Variants in TMC1 observed in about 807,000 individuals in gnomAD.
The protein encoded by TMC1 is transmembrane channel like 1, also known as transmembrane channel-like protein 1.
In TMC1, 84 loss-of-function variants were observed where a neutral mutation model predicts 105.8. That is an observed-to-expected ratio of 0.79 (90% CI 0.67 to 0.95). The LOEUF is 0.95. Ranked by LOEUF, TMC1 falls within the 40% of genes least tolerant of loss-of-function variation. TMC1 has a pLI of 0.00. For missense variants in TMC1, 817 were observed against 914.1 expected (o/e 0.89, Z 1.37); for synonymous variants, 315 against 311.5 (o/e 1.01, Z -0.12).
At position 72,648,758 on chromosome 9, in the gene TMC1, T is replaced by G. The variant is rs1444842; in HGVS notation, c.16+94T>G. 0.084 allele frequency: 96,736 copies of G among 1,155,256 alleles called. 4,728 individuals are homozygous for G. The highest frequency in any genetic ancestry group is 0.16 in the African/African-American group (10,749 of 66,050). The allele number at this position is 1,155,256 out of a possible 1,614,324, so 71.6% of individuals were successfully genotyped here. On this transcript the variant is annotated intron_variant, in intron 5 of 23. Transcript: ENST00000297784. ...CTTTGGAAAGTTTGTTTTACAATTT[T>G]TGTTCCCTCTTTTGGGGCTTTCCCT...
chr9:72,751,634 C>A (rs1030661217), intron 10 of TMC1, among the ~76,000 whole-genome samples: 4 of 152,200 alleles, frequency 2.6e-5, no homozygotes, highest in African/African-American at 9.6e-5. Context: ...CTGCATTCTA[C>A]GTACCTTCTA....
At chr9:72,688,374 C>A (rs1390245775) in intron 5 of TMC1, among the ~76,000 whole-genome samples, 1 of 151,940 alleles carries the variant, frequency 6.6e-6, no homozygotes, top group East Asian at 1.9e-4. Context: ...AATAAAATAA[C>A]CCGACAAACC....
At chr9:72,559,441 G>GC (rs551389085) in intron 1 of TMC1, among the ~76,000 whole-genome samples, 134 of 152,008 alleles carry the variant, frequency 8.8e-4, no homozygotes, top group Middle Eastern at 3.4e-3. Flanking sequence ...AACTTTGTAG[G>GC]CCCCCACCGA....
intron 2 of TMC1, among the ~76,000 whole-genome samples, chr9:72,583,195 C>G (rs1824500644): frequency 6.6e-6 from 1 of 152,084 alleles, no homozygotes; most frequent in African/African-American, 2.4e-5. Flanking sequence ...GCACTCCAGC[C>G]TGGGTGACAG....
chr9:72,740,219 T>C lies in TMC1; in HGVS notation c.453+10T>C. 1 of 1,611,650 alleles carries C rather than the reference T, an allele frequency of 6.2e-7. No homozygotes were observed. The highest frequency in any genetic ancestry group is 1.3e-5 in the African/African-American group (1 of 75,002). The stretch of plus-strand genomic sequence containing the variant: ...GATGATGATGGCCAAGGTAGGTATT[T>C]TTATAGTTGTCTGGTTTATGGCATA... On this transcript the variant is annotated intron_variant, in intron 9 of 23. Transcript: ENST00000297784.
intron 12 of TMC1, among the ~76,000 whole-genome samples, chr9:72,766,452 G>T (rs1827841280): frequency 6.6e-6 from 1 of 151,908 alleles, no homozygotes; most frequent in Admixed American, 6.6e-5. Flanking sequence ...CATGGCTCTG[G>T]CACATAGTAG....
At chr9:72,563,080 T>C (rs113143192) in intron 1 of TMC1, among the ~76,000 whole-genome samples, 1 of 35,748 alleles carries the variant, frequency 2.8e-5, no homozygotes, top group South Asian at 6.0e-4. Context: ...TTTACAAACA[T>C]AGAGTACAGC....
intron 4 of TMC1, 199 bp downstream of exon 4, chr9:72,628,262 T>C (rs900947481): frequency 1.4e-5 from 4 of 295,520 alleles, no homozygotes; most frequent in Admixed American, 8.3e-5. Context: ...TAAAAACAGC[T>C]TGGGATGGAG....
intron 8 of TMC1, among the ~76,000 whole-genome samples, chr9:72,719,393 C>T (rs1016432491): frequency 3.3e-5 from 5 of 152,204 alleles, no homozygotes; most frequent in African/African-American, 1.2e-4. Context: ...TTGTGTTTCA[C>T]TCAGCTCTCT....
intron 17 of TMC1, among the ~76,000 whole-genome samples, chr9:72,797,116 A>G (rs1828384487): frequency 6.6e-6 from 1 of 152,132 alleles, no homozygotes; most frequent in Admixed American, 6.5e-5. Context: ...TCACATCTAC[A>G]ATTGCTACAA....
intron 3 of TMC1, among the ~76,000 whole-genome samples, 180 bp downstream of exon 3, chr9:72,616,657 A>C (rs951205935): frequency 1.3e-5 from 2 of 151,712 alleles, no homozygotes; most frequent in Non-Finnish European, 1.5e-5. Context: ...TAAGTGATGC[A>C]TTTTCCTAAA....
At chr9:72,550,278 G>C (rs937066663) in intron 1 of TMC1, among the ~76,000 whole-genome samples, 7 of 151,830 alleles carry the variant, frequency 4.6e-5, no homozygotes, top group African/African-American at 1.7e-4. Context: ...GACCAGCCTG[G>C]CCAAAATGGT....
At chr9:72,624,861 A>G (rs1825318923) in intron 3 of TMC1, among the ~76,000 whole-genome samples, 1 of 152,234 alleles carries the variant, frequency 6.6e-6, no homozygotes, top group African/African-American at 2.4e-5. Context: ...ATGAGTGGGA[A>G]GTAGTGAGGA....
intron 21 of TMC1, 135 bp downstream of exon 21, chr9:72,827,129 T>A: frequency 1.7e-6 from 2 of 1,196,286 alleles, no homozygotes; most frequent in Non-Finnish European, 2.5e-6. Flanking sequence ...ACTGATTACA[T>A]GGTGGTGAGA....
At chr9:72,735,151 T>C (rs1827276263) in intron 8 of TMC1, among the ~76,000 whole-genome samples, 1 of 152,190 alleles carries the variant, frequency 6.6e-6, no homozygotes. Context: ...GAGTCTGGGG[T>C]TACAGCTCAG....
intron 1 of TMC1, among the ~76,000 whole-genome samples, chr9:72,550,657 C>CAAAAAAAA (rs71493659): frequency 3.2e-5 from 2 of 61,786 alleles, no homozygotes; most frequent in African/African-American, 6.3e-5. Flanking sequence ...GACTCCATCT[C>CAAAAAAAA]AAAAAAAAAA....
intron 5 of TMC1, among the ~76,000 whole-genome samples, chr9:72,681,785 T>C (rs979420854): frequency 2.6e-5 from 4 of 152,208 alleles, no homozygotes; most frequent in Non-Finnish European, 5.9e-5. Flanking sequence ...TTGTTCTTTC[T>C]GTTTGCCTCA....
intron 18 of TMC1, among the ~76,000 whole-genome samples, chr9:72,813,554 G>C (rs995775447): frequency 1.3e-5 from 2 of 152,196 alleles, no homozygotes; most frequent in African/African-American, 4.8e-5. Context: ...GGGCTAGATA[G>C]TAAGTATTTT....
Position 72,663,635 on chromosome 9 carries a change from C to G in TMC1, c.16+14971C>G, listed in dbSNP as rs80297264. On this transcript the variant is annotated intron_variant, in intron 5 of 23. Coordinates refer to ENST00000297784, the MANE Select transcript of TMC1 (RefSeq NM_138691.3). ...ACTGTCATAATTTTGTCACTGTTAA[C>G]GTTTGCAAAGGTGGTTTCACTGTAG... Among the ~76,000 whole-genome samples, 67 of 152,208 alleles carry G rather than the reference C, an allele frequency of 4.4e-4. 2 individuals carry two copies. In the Middle Eastern group the frequency reaches 0.017, roughly 39 times the overall value.
Sources: allele counts gnomAD v4.1 joint callset (sites outside exome capture counted in the v4.1 genomes callset), GRCh38; gene constraint gnomAD v4.1.1; transcripts MANE v1.5; gene names NCBI Gene and HGNC (gene_info 2026-07-23, HGNC 2026-07-21).